SH3RF3: variants seen among roughly 807,000 people sequenced by gnomAD.
SH3RF3 encodes SH3 domain containing ring finger 3.
SH3RF3 carries 29 observed loss-of-function variants against 66.3 expected under a neutral mutation model. The observed-to-expected ratio is 0.44, with a 90% CI of 0.33 to 0.60. The LOEUF is 0.60. Ranked by LOEUF, SH3RF3 falls within the 20% of genes least tolerant of loss-of-function variation. The probability of loss-of-function intolerance (pLI) is 0.04; values close to 1 mark genes in which losing one functional copy is unlikely to be tolerated. For missense variants in SH3RF3, 1,194 were observed against 1,190.9 expected, an observed-to-expected ratio of 1.00 and a Z score of -0.04; for synonymous variants, 583 against 532.0, an observed-to-expected ratio of 1.10 and a Z score of -1.32.
intron 1 of SH3RF3, among the ~76,000 whole-genome samples, chr2:109,157,717 G>A (rs1677381614): frequency 6.6e-6 from 1 of 152,162 alleles, no homozygotes; most frequent in South Asian, 2.1e-4. Context: ...GAATTTAATA[G>A]GATCATCCTG....
intron 1 of SH3RF3, among the ~76,000 whole-genome samples, chr2:109,209,675 C>T (rs1230080016): frequency 1.3e-5 from 2 of 152,094 alleles, no homozygotes; most frequent in African/African-American, 4.8e-5. Flanking sequence ...GCAAGCAGGA[C>T]CCATTTCTAA....
In SH3RF3 at chr2:109,449,500, C is replaced by T. The variant is rs765477464; in HGVS notation, c.2148+11C>T. ...AAGAAAAGTGAAAAGGTAAGAGGCC[C>T]ATCCTGGACGAGCCCTGGGCTCGAG... On this transcript the variant is annotated intron_variant, in intron 8 of 9. Transcript: ENST00000309415. 4.3e-6 allele frequency: 7 copies of T among 1,612,708 alleles called. No homozygotes were observed. Among genetic ancestry groups the T allele is most frequent in the Non-Finnish European group, 5.1e-6 (6 of 1,179,394 alleles).
At chr2:109,421,638 C>T (rs1411354333) in intron 5 of SH3RF3, among the ~76,000 whole-genome samples, 1 of 152,222 alleles carries the variant, frequency 6.6e-6, no homozygotes, top group Non-Finnish European at 1.5e-5. Flanking sequence ...TAGCTCTCCA[C>T]CTTCTCCCTC....
intron 5 of SH3RF3, among the ~76,000 whole-genome samples, chr2:109,420,482 G>A (rs891629042): frequency 2.0e-5 from 3 of 152,136 alleles, no homozygotes; most frequent in African/African-American, 7.2e-5. Flanking sequence ...GTCTTGCTCT[G>A]TCTCCCAGGC....
At chr2:109,433,906 G>T (rs1420664783) in intron 6 of SH3RF3, among the ~76,000 whole-genome samples, 1 of 152,234 alleles carries the variant, frequency 6.6e-6, no homozygotes, top group Non-Finnish European at 1.5e-5. Context: ...CCAGCCACCT[G>T]GTCAGAGGGG....
intron 1 of SH3RF3, among the ~76,000 whole-genome samples, chr2:109,139,093 C>A (rs1468651463): frequency 6.6e-6 from 1 of 152,174 alleles, no homozygotes; most frequent in African/African-American, 2.4e-5. Flanking sequence ...GTATCCACAT[C>A]TTTACTCTTT....
intron 1 of SH3RF3, among the ~76,000 whole-genome samples, chr2:109,320,197 C>T (rs899392191): frequency 2.0e-5 from 3 of 152,202 alleles, no homozygotes; most frequent in African/African-American, 7.2e-5. Flanking sequence ...CGGCTTGCCT[C>T]TGCTCGGCTC....
chr2:109,324,794 T>G (rs1367185468), intron 1 of SH3RF3, among the ~76,000 whole-genome samples: 1 of 152,168 alleles, frequency 6.6e-6, no homozygotes. Flanking sequence ...AGAGACCAAC[T>G]ATGAATCTGC....
intron 1 of SH3RF3, among the ~76,000 whole-genome samples, chr2:109,187,127 G>A (rs553670109): frequency 2.7e-5 from 4 of 149,786 alleles, no homozygotes; most frequent in Non-Finnish European, 6.0e-5. Flanking sequence ...GCCACAGGGT[G>A]AGGGACACAG....
intron 8 of SH3RF3, among the ~76,000 whole-genome samples, chr2:109,468,855 GAAAAAAAA>G (rs397940375): frequency 7.7e-5 from 5 of 64,866 alleles, no homozygotes; most frequent in African/African-American, 2.2e-4. Flanking sequence ...CTCTGTCTCA[GAAAAAAAA>G]AAAAAAAAAA....
intron 1 of SH3RF3, among the ~76,000 whole-genome samples, chr2:109,234,556 T>A (rs533903832): frequency 1.3e-5 from 2 of 152,262 alleles, no homozygotes; most frequent in Non-Finnish European, 2.9e-5. Context: ...GGCTCTGTTG[T>A]GCTGCAGTAA....
chr2:109,193,689 A>G (rs899684924), intron 1 of SH3RF3, among the ~76,000 whole-genome samples: 2 of 152,172 alleles, frequency 1.3e-5, no homozygotes, highest in African/African-American at 4.8e-5. Flanking sequence ...ACATTTAATG[A>G]TGGTCTAGAA....
Position 109,130,029 on chromosome 2 carries a change from C to T in SH3RF3, c.489C>T (p.Ser163=), listed in dbSNP as rs1049996208. 7.4e-5 allele frequency: 99 copies of T among 1,338,588 alleles called. No homozygotes were observed. The highest frequency in any genetic ancestry group is 8.2e-5 in the Non-Finnish European group (86 of 1,048,188). The allele number at this position is 1,338,588 out of a possible 1,614,324, so 82.9% of individuals were successfully genotyped here. ...GCGCGGCAGGCAGCACCCCGGGTTC[C>T]CCGGTTTTCCTCTCCGCGGCCGCGG... is the stretch of plus-strand genomic sequence containing the variant. The part of the protein sequence containing the change: ...GGGAAGSTPG[S]PVFLSAAAGS... The change falls in exon 1 of 10, where the codon TCC becomes TCT. Residue 163 remains serine, a synonymous_variant. Transcript: ENST00000309415.
At chr2:109,395,602 A>C (rs1676120652) in intron 3 of SH3RF3, among the ~76,000 whole-genome samples, 1 of 152,152 alleles carries the variant, frequency 6.6e-6, no homozygotes, top group South Asian at 2.1e-4. Flanking sequence ...GGGGTTGCTA[A>C]GGCATGAGGG....
chr2:109,209,756 T>C (rs1678924902), intron 1 of SH3RF3, among the ~76,000 whole-genome samples: 1 of 152,294 alleles, frequency 6.6e-6, no homozygotes, highest in Non-Finnish European at 1.5e-5. Context: ...TGAGAGTAAA[T>C]GGTTTGTTCA....
intron 1 of SH3RF3, among the ~76,000 whole-genome samples, chr2:109,189,172 G>C (rs897806096): frequency 6.6e-6 from 1 of 151,700 alleles, no homozygotes; most frequent in Non-Finnish European, 1.5e-5. Flanking sequence ...GTGTTTCTTC[G>C]GGGATGGAAA....
chr2:109,414,193 G>A (rs768065469), intron 4 of SH3RF3, among the ~76,000 whole-genome samples: 14 of 152,154 alleles, frequency 9.2e-5, no homozygotes, highest in East Asian at 1.9e-4. Context: ...CCACTGCACC[G>A]TCTACCCTGT....
intron 1 of SH3RF3, among the ~76,000 whole-genome samples, chr2:109,287,797 C>T (rs114446419): frequency 0.011 from 1,643 of 152,316 alleles, 16 homozygotes; most frequent in Non-Finnish European, 0.013. Flanking sequence ...TAAAGCTTCG[C>T]ACTGTTGCCA....
intron 1 of SH3RF3, among the ~76,000 whole-genome samples, chr2:109,242,493 G>A (rs898220001): frequency 1.4e-4 from 21 of 152,180 alleles, no homozygotes; most frequent in Non-Finnish European, 1.8e-4. Flanking sequence ...AGTGACACAG[G>A]CACTGATTGG....
Sources: gnomAD v4.1 joint callset for allele counts (sites outside exome capture counted in the v4.1 genomes callset) on GRCh38, gnomAD v4.1.1 for gene constraint, MANE v1.5 for transcripts, NCBI Gene and HGNC (gene_info 2026-07-23, HGNC 2026-07-21) for gene names.